The following RBFOX1 variants were observed in gnomAD, a reference collection of about 807,000 sequenced individuals.
RBFOX1 encodes the protein RNA binding protein fox-1 homolog 1.
A neutral mutation model predicts 57.7 loss-of-function variants in RBFOX1; 8 were observed. The observed-to-expected ratio is 0.14, with a 90% CI of 0.08 to 0.25. The LOEUF is 0.25. RBFOX1 is among the 10% of genes least tolerant of loss of function. The pLI is 1.00. For missense variants in RBFOX1, 611 were observed against 548.5 expected, an observed-to-expected ratio of 1.11 and a Z score of -1.14; for synonymous variants, 326 against 222.4, an observed-to-expected ratio of 1.47 and a Z score of -4.15.
At chr16:5,552,513 A>G (rs2045504484) in intron 2 of RBFOX1, among the ~76,000 whole-genome samples, 1 of 152,226 alleles carries the variant, frequency 6.6e-6, no homozygotes, top group Non-Finnish European at 1.5e-5. Context: ...ACTTAAAACC[A>G]CACACCTAGT....
At chr16:7,019,472 T>C (rs1187169334) in intron 3 of RBFOX1, among the ~76,000 whole-genome samples, 1 of 152,118 alleles carries the variant, frequency 6.6e-6, no homozygotes, top group Non-Finnish European at 1.5e-5. Context: ...TTTTGTACTT[T>C]TTGTTAAGTT....
intron 3 of RBFOX1, among the ~76,000 whole-genome samples, chr16:5,633,547 A>G (rs2048586971): frequency 6.6e-6 from 1 of 152,108 alleles, no homozygotes; most frequent in African/African-American, 2.4e-5. Context: ...AGGAACTCAA[A>G]TCAACAAGAA....
chr16:5,431,877 A>T (rs1213310207), intron 1 of RBFOX1, among the ~76,000 whole-genome samples: 1 of 152,058 alleles, frequency 6.6e-6, no homozygotes, highest in Non-Finnish European at 1.5e-5. Flanking sequence ...AGCTTCCTTC[A>T]CGGAGCGGTA....
chr16:7,511,025 A>C (rs2074944484), intron 4 of RBFOX1, among the ~76,000 whole-genome samples: 1 of 152,216 alleles, frequency 6.6e-6, no homozygotes, highest in African/African-American at 2.4e-5. Context: ...GTTTGACTAT[A>C]AAGGTGGGGA....
At position 6,459,959 on chromosome 16, in the gene RBFOX1, G is replaced by A. The variant is rs146157607; in HGVS notation, c.-64+142902G>A. ...AGATAGTGCCATTGCACTCCAGCCC[G>A]GGCAACAAGAGTGAAACTCCATCTC... On this transcript the variant is annotated intron_variant, in intron 2 of 15. Coordinates refer to ENST00000550418, the MANE Select transcript of RBFOX1 (RefSeq NM_018723.4). Among the ~76,000 whole-genome samples, 32 of 107,642 alleles carry A rather than the reference G, an allele frequency of 3.0e-4. No homozygotes were observed. In the East Asian group the frequency reaches 7.2e-3, roughly 24 times the overall value. 70.6% of individuals were successfully genotyped at this position (107,642 alleles called of 152,430 possible).
chr16:7,187,697 A>G (rs1461168823), intron 4 of RBFOX1, among the ~76,000 whole-genome samples: 891 of 28,402 alleles, frequency 0.031, 2 homozygotes, highest in African/African-American at 0.11. Flanking sequence ...TCACAAAAAA[A>G]AAAAAAAAAA....
rs1234766152 is a variant in RBFOX1, at chr16:5,723,087, G to T, written c.318+124126G>T. On this transcript the variant is annotated intron_variant, in intron 3 of 19. Coordinates refer to the RBFOX1 transcript ENST00000641259. ...TCCAGCAGCCTAATTCACAAGTGAT[G>T]CAGGTTTGCCATTATCTTCCTTTTA... Among the ~76,000 whole-genome samples, 4 of 152,178 alleles carry T rather than the reference G, an allele frequency of 2.6e-5. No individual in the cohort carries two copies. In the East Asian group the frequency reaches 7.7e-4, roughly 29 times the overall value.
chr16:5,485,772 G>C (rs1213149101), intron 2 of RBFOX1, among the ~76,000 whole-genome samples: 1 of 152,232 alleles, frequency 6.6e-6, no homozygotes, highest in South Asian at 2.1e-4. Flanking sequence ...AAAAGTGCTT[G>C]TGAGTGTGCC....
rs35102139 is a variant in RBFOX1, at chr16:5,416,680, CT to C, written c.220-50524del. Among the ~76,000 whole-genome samples, 163 of 144,056 alleles carry C rather than the reference CT, an allele frequency of 1.1e-3. 1 individual carries two copies. The highest frequency in any genetic ancestry group is 3.7e-3 in the Middle Eastern group (1 of 268). 94.5% of individuals were successfully genotyped at this position (144,056 alleles called of 152,430 possible). ...CGATTGTTCCCTGTATGTAATGTGT[CT>C]TTTTTTTTTTTCCTCTGGTCGTCTT... is the stretch of plus-strand genomic sequence containing the variant. On this transcript the variant is annotated intron_variant, in intron 1 of 2. Transcript: ENST00000585867.
At chr16:6,817,713 AAAAC>A (rs1425307011) in intron 3 of RBFOX1, among the ~76,000 whole-genome samples, 35 of 152,142 alleles carry the variant, frequency 2.3e-4, no homozygotes, top group Non-Finnish European at 3.5e-4. Context: ...AAAGAAAAAA[AAAAC>A]AAACAAAAAA....
At chr16:6,472,255 G>A (rs532687582) in intron 2 of RBFOX1, among the ~76,000 whole-genome samples, 10 of 152,308 alleles carry the variant, frequency 6.6e-5, no homozygotes, top group Non-Finnish European at 1.2e-4. Context: ...TGTGAGAGAA[G>A]CAGTGTCTCT....
chr16:7,236,811 T>A (rs983861291), intron 4 of RBFOX1, among the ~76,000 whole-genome samples: 1 of 152,184 alleles, frequency 6.6e-6, no homozygotes, highest in African/African-American at 2.4e-5. Context: ...TGCCTGGGTT[T>A]GTCAACATAT....
intron 3 of RBFOX1, among the ~76,000 whole-genome samples, chr16:5,729,484 G>C (rs912847706): frequency 6.7e-6 from 1 of 149,430 alleles, no homozygotes; most frequent in Non-Finnish European, 1.5e-5. Context: ...GCATTTAGGG[G>C]ATATAAATGT....
intron 4 of RBFOX1, among the ~76,000 whole-genome samples, chr16:7,350,984 C>G (rs1317772431): frequency 6.6e-6 from 1 of 152,212 alleles, no homozygotes; most frequent in African/African-American, 2.4e-5. Context: ...TTAAGTCTGG[C>G]TCTATCAAAG....
At chr16:5,494,442 G>A (rs1249204564) in intron 2 of RBFOX1, among the ~76,000 whole-genome samples, 2 of 152,192 alleles carry the variant, frequency 1.3e-5, no homozygotes, top group African/African-American at 4.8e-5. Context: ...CTGGAATTTG[G>A]CAATGATGAA....
intron 2 of RBFOX1, among the ~76,000 whole-genome samples, chr16:6,411,329 A>C (rs943619926): frequency 1.3e-5 from 2 of 152,282 alleles, no homozygotes; most frequent in Middle Eastern, 3.4e-3. Context: ...GTGACAAAAG[A>C]GCCATGTGCT....
intron 3 of RBFOX1, among the ~76,000 whole-genome samples, chr16:5,800,206 C>T (rs1383509913): frequency 6.6e-6 from 1 of 152,132 alleles, no homozygotes; most frequent in Non-Finnish European, 1.5e-5. Context: ...GGGAAGTATA[C>T]ACCCAAGGGC....
intron 3 of RBFOX1, among the ~76,000 whole-genome samples, chr16:7,005,652 C>T (rs937374667): frequency 1.3e-5 from 2 of 152,174 alleles, no homozygotes; most frequent in Non-Finnish European, 2.9e-5. Flanking sequence ...GCCTGTTGAA[C>T]ACAAACAATT....
At chr16:5,302,657 C>T (rs1242964365) in intron 1 of RBFOX1, among the ~76,000 whole-genome samples, 6 of 152,052 alleles carry the variant, frequency 3.9e-5, no homozygotes, top group Admixed American at 3.9e-4. Flanking sequence ...TAAATTGACA[C>T]CTTAATTGTT....
Sources: gnomAD v4.1 joint callset for allele counts (sites outside exome capture counted in the v4.1 genomes callset) on GRCh38, gnomAD v4.1.1 for gene constraint, MANE v1.5 for transcripts, NCBI Gene and HGNC (gene_info 2026-07-23, HGNC 2026-07-21) for gene names.